SLC29A3: variants seen among roughly 807,000 people sequenced by gnomAD.
The protein encoded by SLC29A3 is solute carrier family 29 member 3, also known as equilibrative nucleoside transporter 3.
A neutral mutation model predicts 25.4 loss-of-function variants in SLC29A3; 18 were observed. The observed-to-expected ratio is 0.71, with a 90% CI of 0.49 to 1.05. The LOEUF (loss-of-function observed/expected upper bound fraction) is 1.05. Ranked by LOEUF, SLC29A3 falls within the 50% of genes least tolerant of loss-of-function variation. The probability of loss-of-function intolerance (pLI) is 0.00; values close to 1 mark genes in which losing one functional copy is unlikely to be tolerated. For synonymous variants in SLC29A3, 258 were observed against 267.1 expected (o/e 0.97, Z 0.33); for missense variants, 586 against 609.0 (o/e 0.96, Z 0.40).
At chr10:71,339,318 G>T (rs1395136892) in intron 2 of SLC29A3, among the ~76,000 whole-genome samples, 3 of 152,202 alleles carry the variant, frequency 2.0e-5, no homozygotes, top group Admixed American at 6.5e-5. Context: ...TGACTTTGAT[G>T]CGATTACTTA....
chr10:71,373,014 C>T (rs1263619371), intron 3 of SLC29A3, among the ~76,000 whole-genome samples: 3 of 152,158 alleles, frequency 2.0e-5, no homozygotes, highest in African/African-American at 7.2e-5. Context: ...GCAGGCATTC[C>T]TGTAACTGGG....
chr10:71,356,284 T>C (rs1354211310), intron 5 of SLC29A3, 41 bp downstream of exon 5: 2 of 1,606,988 alleles, frequency 1.2e-6, no homozygotes, highest in African/African-American at 1.3e-5. Flanking sequence ...TTCCTGTGTA[T>C]CCAGTTATAG....
rs199834283 is a variant in SLC29A3, at chr10:71,336,573, G to GT, written c.301-7627dup. Among the ~76,000 whole-genome samples the GT allele has an allele frequency of 4.6e-5, 7 of 151,056 alleles. No homozygotes were observed. In the East Asian group the frequency reaches 5.9e-4, roughly 13 times the overall value. Reference sequence around the variant, plus strand: ...TCCTGGAGGCAGCAAAGTTAAAGTAGTTTTTTTTTCTTTACCCAAAGGGAG... The same window carrying GT: ...TCCTGGAGGCAGCAAAGTTAAAGTAGTTTTTTTTTTCTTTACCCAAAGGGAG... On this transcript the variant is annotated intron_variant, in intron 2 of 5. Coordinates refer to ENST00000373189, the MANE Select transcript of SLC29A3 (RefSeq NM_018344.6).
At chr10:71,348,215 G>T (rs963661254) in intron 3 of SLC29A3, among the ~76,000 whole-genome samples, 4 of 152,246 alleles carry the variant, frequency 2.6e-5, no homozygotes, top group Non-Finnish European at 5.9e-5. Flanking sequence ...GGAGAACAAG[G>T]CAGGGCTCTG....
intron 4 of SLC29A3, chr10:71,352,895 G>C (rs1341338037): frequency 1.3e-5 from 2 of 152,370 alleles, no homozygotes; most frequent in African/African-American, 4.8e-5. Flanking sequence ...TGGAGGTTCT[G>C]CTGCTGTGTC....
intron 5 of SLC29A3, among the ~76,000 whole-genome samples, chr10:71,358,281 C>T (rs1362737112): frequency 6.6e-6 from 1 of 152,172 alleles, no homozygotes; most frequent in Non-Finnish European, 1.5e-5. Flanking sequence ...CCTAGAACCC[C>T]CAGCCTTTCA....
intron 5 of SLC29A3, among the ~76,000 whole-genome samples, chr10:71,358,318 G>T (rs1048576491): frequency 6.6e-6 from 1 of 152,152 alleles, no homozygotes; most frequent in East Asian, 1.9e-4. Flanking sequence ...CCCTGGGCTG[G>T]TAGTGAGCCA....
rs1230440722 is a variant in SLC29A3, at chr10:71,362,907, C to G, written c.*299C>G. On this transcript the variant is annotated 3_prime_UTR_variant, in exon 6 of 6. Transcript: ENST00000373189. The stretch of plus-strand genomic sequence containing the variant: ...ACATTCCACCTTCTTTCTAGCCCTT[C>G]AAAGATGCTGCCAGTGTTCGCCCTA... 3 of 587,042 alleles carry G rather than the reference C, an allele frequency of 5.1e-6. No individual in the cohort carries two copies. The highest frequency in any genetic ancestry group is 9.6e-6 in the Non-Finnish European group (3 of 313,204). The allele number at this position is 587,042 out of a possible 1,614,324, so 36.4% of individuals were successfully genotyped here.
intron 2 of SLC29A3, among the ~76,000 whole-genome samples, chr10:71,331,708 A>G (rs1284816091): frequency 7.2e-5 from 11 of 152,362 alleles, no homozygotes; most frequent in Admixed American, 2.0e-4. Flanking sequence ...CTGTAGTTTG[A>G]AAAACCCTGC....
At chr10:71,377,554 G>A (rs1332419662) in intron 4 of SLC29A3, among the ~76,000 whole-genome samples, 2 of 152,208 alleles carry the variant, frequency 1.3e-5, no homozygotes, top group African/African-American at 4.8e-5. Flanking sequence ...GGGGCCGTCG[G>A]TAGTTACCCG....
intron 2 of SLC29A3, among the ~76,000 whole-genome samples, chr10:71,327,247 G>A (rs989067559): frequency 4.6e-5 from 7 of 152,132 alleles, no homozygotes; most frequent in Non-Finnish European, 1.0e-4. Context: ...CAAGGTCAGC[G>A]GGCTCATTTC....
At position 71,362,149 on chromosome 10, in the gene SLC29A3, C is replaced by G; in HGVS notation, c.969C>G (p.Tyr323Ter). Reference sequence around the variant, plus strand: ...TCTTCTTCATCACCAGCCTCATCTACCCCGCCATCTGCACCAACATCGAGT... The same window carrying G: ...TCTTCTTCATCACCAGCCTCATCTAGCCCGCCATCTGCACCAACATCGAGT... ...TYVFFITSLI[Y>*]PAICTNIESL... is the part of the protein sequence containing the mutation. Residue 323 changes from tyrosine (Y) to a stop codon, truncating the protein, a stop_gained, in exon 6 of 6, where the codon TAC becomes TAG. Transcript: ENST00000373189. LOFTEE classifies it high-confidence loss of function. The G allele has an allele frequency of 6.2e-7, 1 of 1,614,084 alleles. No homozygotes were observed. Among genetic ancestry groups the G allele is most frequent in the Non-Finnish European group, 8.5e-7 (1 of 1,179,996 alleles).
At chr10:71,336,573 GT>G (rs199834283) in intron 2 of SLC29A3, among the ~76,000 whole-genome samples, 2 of 150,948 alleles carry the variant, frequency 1.3e-5, no homozygotes, top group East Asian at 3.9e-4. Context: ...AGTTAAAGTA[GT>G]TTTTTTTTCT....
In SLC29A3 at chr10:71,362,010, C is replaced by T. The variant is rs146113694; in HGVS notation, c.830C>T (p.Pro277Leu). The change falls in exon 6 of 6, where the codon CCC becomes CTC. Residue 277 changes from proline (P) to leucine (L), a missense_variant. Physicochemically the swap from Pro to Leu is moderately conservative, Grantham distance 98 (BLOSUM62 -3). Coordinates refer to ENST00000373189, the MANE Select transcript of SLC29A3 (RefSeq NM_018344.6). The stretch of plus-strand genomic sequence containing the variant: ...GTGTTTTCTGGTGAAGAGGAGCTTC[C>T]CCAGGACTCCCTCAGTGCCCCTTCG... ...AHVFSGEEEL[P>L]QDSLSAPSVA... The T allele has an allele frequency of 3.3e-5, 54 of 1,613,976 alleles. No individual in the cohort carries two copies. Among genetic ancestry groups the T allele is most frequent in the Non-Finnish European group, 4.3e-5 (51 of 1,179,998 alleles).
rs1847222513 is a variant in SLC29A3 at position 71,372,934 on chromosome 10, G to A, written c.*95-2761G>A. 2.6e-5 allele frequency among the ~76,000 whole-genome samples: 4 copies of A among 152,276 alleles called. No individual in the cohort carries two copies. In the South Asian group the frequency reaches 8.3e-4, roughly 32 times the overall value. ...GGGACAGGGGCGGGGGCGAGACAGTGAGGCTGAGGGGCAAGTCTCAAGGCA... is the reference window on the plus strand; with the variant it reads ...GGGACAGGGGCGGGGGCGAGACAGTAAGGCTGAGGGGCAAGTCTCAAGGCA... On this transcript the variant is annotated intron_variant and NMD_transcript_variant, in intron 3 of 4. Transcript: ENST00000642772.
chr10:71,377,413 G>C (rs1345540303), intron 4 of SLC29A3, among the ~76,000 whole-genome samples: 1 of 152,250 alleles, frequency 6.6e-6, no homozygotes, highest in Non-Finnish European at 1.5e-5. Flanking sequence ...AGCTCCTAGA[G>C]CCAGGGACTG....
chr10:71,319,387 C>T, intron 1 of SLC29A3, 77 bp downstream of exon 1: 3 of 585,858 alleles, frequency 5.1e-6, no homozygotes, highest in South Asian at 2.0e-5. Context: ...ACCTCCCTCC[C>T]GGGCCCTGGG....
At chr10:71,336,185 C>A (rs1414976396) in intron 2 of SLC29A3, among the ~76,000 whole-genome samples, 1 of 152,196 alleles carries the variant, frequency 6.6e-6, no homozygotes, top group Admixed American at 6.5e-5. Context: ...GCCTGTGTGT[C>A]TGTGTGTCCT....
chr10:71,367,039 T>C (rs1392243511), downstream of SLC29A3, among the ~76,000 whole-genome samples: 1 of 152,186 alleles, frequency 6.6e-6, no homozygotes, highest in Non-Finnish European at 1.5e-5. Context: ...AAGCTAGGAC[T>C]AGTCAGGTAG....
Sources: allele counts gnomAD v4.1 joint callset (sites outside exome capture counted in the v4.1 genomes callset), GRCh38; gene constraint gnomAD v4.1.1; transcripts MANE v1.5; gene names NCBI Gene and HGNC (gene_info 2026-07-23, HGNC 2026-07-21).